The following RBFOX1 variants were observed in gnomAD, a reference collection of about 807,000 sequenced individuals.
RBFOX1 encodes RNA binding protein fox-1 homolog 1.
A neutral mutation model predicts 57.7 loss-of-function variants in RBFOX1; 8 were observed. The observed-to-expected ratio is 0.14, with a 90% CI of 0.08 to 0.25. The LOEUF (loss-of-function observed/expected upper bound fraction) is 0.25. RBFOX1 is among the 10% of genes least tolerant of loss of function. The pLI is 1.00. For missense variants in RBFOX1, 611 were observed against 548.5 expected, an observed-to-expected ratio of 1.11 and a Z score of -1.14; for synonymous variants, 326 against 222.4, an observed-to-expected ratio of 1.47 and a Z score of -4.15.
chr16:6,308,613 A>G (rs1020269871), intron 1 of RBFOX1, among the ~76,000 whole-genome samples: 6 of 152,178 alleles, frequency 3.9e-5, no homozygotes, highest in East Asian at 1.9e-4. Context: ...TGTAAGTAAA[A>G]GAAGCCCCTT....
chr16:7,674,616 G>T (rs986824246), intron 13 of RBFOX1, among the ~76,000 whole-genome samples: 1 of 152,166 alleles, frequency 6.6e-6, no homozygotes, highest in Admixed American at 6.6e-5. Flanking sequence ...ACTTGTGCCC[G>T]TCTTGTCTGG....
intron 4 of RBFOX1, among the ~76,000 whole-genome samples, chr16:7,387,223 C>G (rs1417663623): frequency 3.3e-5 from 5 of 152,156 alleles, no homozygotes; most frequent in African/African-American, 1.2e-4. Context: ...AACCATTGTG[C>G]AAAGTACCTA....
chr16:5,486,380 G>C (rs868435799), intron 2 of RBFOX1, among the ~76,000 whole-genome samples: 2 of 152,184 alleles, frequency 1.3e-5, no homozygotes, highest in African/African-American at 2.4e-5. Context: ...AGCAAGAGGA[G>C]AGGAGCCGAG....
At chr16:5,795,757 T>A (rs917028657) in intron 3 of RBFOX1, among the ~76,000 whole-genome samples, 1 of 152,212 alleles carries the variant, frequency 6.6e-6, no homozygotes, top group African/African-American at 2.4e-5. Context: ...CCCTCCTAAC[T>A]TTTGACTTTA....
intron 3 of RBFOX1, among the ~76,000 whole-genome samples, chr16:6,918,734 T>G (rs2073817834): frequency 6.6e-6 from 1 of 152,168 alleles, no homozygotes; most frequent in Non-Finnish European, 1.5e-5. Flanking sequence ...GCAGACAACA[T>G]GAAGCGGCAG....
intron 1 of RBFOX1, among the ~76,000 whole-genome samples, chr16:6,077,299 A>C (rs765186939): frequency 1.5e-4 from 22 of 144,408 alleles, no homozygotes; most frequent in Non-Finnish European, 2.7e-4. Flanking sequence ...TCACATATGG[A>C]GCATTTCTTG....
At chr16:7,571,658 G>A (rs1346430719) in intron 5 of RBFOX1, among the ~76,000 whole-genome samples, 2 of 152,106 alleles carry the variant, frequency 1.3e-5, no homozygotes, top group Non-Finnish European at 2.9e-5. Context: ...CCTTCACACT[G>A]GGCCCGGGTA....
chr16:6,850,688 A>T (rs2094011786), intron 3 of RBFOX1, among the ~76,000 whole-genome samples: 1 of 152,190 alleles, frequency 6.6e-6, no homozygotes, highest in African/African-American at 2.4e-5. Context: ...ACATATAGCT[A>T]TGCAGAAAAA....
At chr16:6,663,403 C>G (rs900856735) in intron 3 of RBFOX1, among the ~76,000 whole-genome samples, 2 of 152,092 alleles carry the variant, frequency 1.3e-5, no homozygotes, top group African/African-American at 2.4e-5. Flanking sequence ...CATGACATAG[C>G]CAGCAGGATT....
intron 2 of RBFOX1, among the ~76,000 whole-genome samples, chr16:5,545,812 C>G (rs1481126049): frequency 1.3e-5 from 2 of 152,078 alleles, no homozygotes; most frequent in Admixed American, 6.6e-5. Flanking sequence ...TTTTTTCACA[C>G]TGTAGTGGAA....
chr16:5,987,230 C>G (rs2060301887), intron 4 of RBFOX1, among the ~76,000 whole-genome samples: 1 of 151,774 alleles, frequency 6.6e-6, no homozygotes, highest in African/African-American at 2.4e-5. Context: ...TGGTTTTTTT[C>G]TTTGTTTATT....
chr16:6,331,073 T>A (rs764523233), intron 2 of RBFOX1, among the ~76,000 whole-genome samples: 1 of 152,160 alleles, frequency 6.6e-6, no homozygotes, highest in Non-Finnish European at 1.5e-5. Context: ...TAGTAATACT[T>A]GTGTTTTTAA....
chr16:7,387,267 A>C (rs1159730714), intron 4 of RBFOX1, among the ~76,000 whole-genome samples: 1 of 152,214 alleles, frequency 6.6e-6, no homozygotes. Flanking sequence ...GTATAGGATT[A>C]GTAATAAATT....
At chr16:5,936,614 T>C (rs766846264) in intron 4 of RBFOX1, among the ~76,000 whole-genome samples, 2 of 152,128 alleles carry the variant, frequency 1.3e-5, no homozygotes, top group African/African-American at 4.8e-5. Flanking sequence ...ACAGGTCAGA[T>C]TGATGGTGGA....
At chr16:5,717,585 A>C (rs977436397) in intron 3 of RBFOX1, among the ~76,000 whole-genome samples, 10 of 152,130 alleles carry the variant, frequency 6.6e-5, no homozygotes, top group African/African-American at 2.4e-4. Flanking sequence ...CCCACTTATA[A>C]GTGCGAATAT....
At chr16:7,317,142 A>G (rs1431716479) in intron 4 of RBFOX1, among the ~76,000 whole-genome samples, 1 of 152,098 alleles carries the variant, frequency 6.6e-6, no homozygotes, top group Non-Finnish European at 1.5e-5. Context: ...CTGCGATACT[A>G]CTGGTGCAAG....
intron 2 of RBFOX1, among the ~76,000 whole-genome samples, chr16:6,554,725 GACACACACAC>G (rs34699308): frequency 2.0e-3 from 289 of 147,590 alleles, no homozygotes; most frequent in East Asian, 4.6e-3. Context: ...AGTAGACACA[GACACACACAC>G]ACACACACAC....
chr16:7,339,688 C>G (rs951543220), intron 4 of RBFOX1, among the ~76,000 whole-genome samples: 1 of 152,186 alleles, frequency 6.6e-6, no homozygotes, highest in Non-Finnish European at 1.5e-5. Context: ...GATCCGCCCA[C>G]TTCAGCCTCC....
intron 2 of RBFOX1, among the ~76,000 whole-genome samples, chr16:6,597,800 C>T (rs968990670): frequency 3.3e-5 from 5 of 152,182 alleles, no homozygotes; most frequent in African/African-American, 1.2e-4. Flanking sequence ...AAGCAGCCAC[C>T]TTTTTCTGCA....
Sources: allele counts gnomAD v4.1 joint callset (sites outside exome capture counted in the v4.1 genomes callset), GRCh38; gene constraint gnomAD v4.1.1; transcripts MANE v1.5; gene names NCBI Gene and HGNC (gene_info 2026-07-23, HGNC 2026-07-21).